The following CAMK2B variants were observed in gnomAD, a reference collection of about 807,000 sequenced individuals.
The protein encoded by CAMK2B is calcium/calmodulin-dependent protein kinase type II subunit beta.
In CAMK2B, 27 loss-of-function variants were observed where a neutral mutation model predicts 93.7. The observed-to-expected ratio is 0.29, with a 90% CI of 0.21 to 0.40. The LOEUF (loss-of-function observed/expected upper bound fraction) is 0.40. Among genes scored for constraint, CAMK2B ranks in the 10% least tolerant of loss-of-function variants. The pLI is 1.00. For missense variants in CAMK2B, 568 were observed against 895.8 expected (o/e 0.63, Z 4.67); for synonymous variants, 374 against 358.8 (o/e 1.04, Z -0.48).
Position 44,225,858 on chromosome 7 carries a change from G to T in CAMK2B, c.1597+658C>A, listed in dbSNP as rs2096469485. ...CCCAGTCTGGTGTCTCCCCACAGGT[G>T]GGGGTGGCAGCAGCCCTGGGATGTC... On this transcript the variant is annotated intron_variant, in intron 20 of 23. Coordinates refer to ENST00000395749, the MANE Select transcript of CAMK2B (RefSeq NM_001220.5). The surrounding 1 kb of genome is among the most constrained non-coding windows in gnomAD (Gnocchi z 5.0). The T allele has an allele frequency of 7.8e-7, 1 of 1,289,268 alleles. No individual in the cohort carries two copies. Among genetic ancestry groups the T allele is most frequent in the African/African-American group, 1.5e-5 (1 of 65,856 alleles). 79.9% of individuals were successfully genotyped at this position (1,289,268 alleles called of 1,614,324 possible).
intron 9 of CAMK2B, 70 bp downstream of exon 9, chr7:44,242,489 CT>C: frequency 6.6e-7 from 1 of 1,509,340 alleles, no homozygotes; most frequent in Non-Finnish European, 9.1e-7. Flanking sequence ...CTCCTAGCCT[CT>C]TCCCACGCTG....
At chr7:44,223,487 C>A (rs1349872921) in intron 20 of CAMK2B, among the ~76,000 whole-genome samples, 1 of 152,212 alleles carries the variant, frequency 6.6e-6, no homozygotes, top group Non-Finnish European at 1.5e-5. Context: ...CCCCATTCCA[C>A]CTGCCCAGCT....
In CAMK2B at chr7:44,225,914, TC is replaced by T; in HGVS notation, c.1597+601del. On this transcript the variant is annotated intron_variant, in intron 20 of 23. Transcript: ENST00000395749. The surrounding 1 kb of genome is among the most constrained non-coding windows in gnomAD (Gnocchi z 5.0). ...TCCCTGTAAGTGATACTGCGGGTAG[TC>T]GGCAGACAGACCGGGAGGTGGCCCA... The T allele has an allele frequency of 7.8e-7, 1 of 1,283,552 alleles. No individual in the cohort carries two copies. The highest frequency in any genetic ancestry group is 1.0e-6 in the Non-Finnish European group (1 of 984,572). 79.5% of individuals were successfully genotyped at this position (1,283,552 alleles called of 1,614,324 possible). A position where few individuals can be genotyped will look rare whatever the true frequency, so the allele number is the denominator to read the frequency against.
At chr7:44,305,735 G>A (rs1791297512) in intron 1 of CAMK2B, among the ~76,000 whole-genome samples, 1 of 152,220 alleles carries the variant, frequency 6.6e-6, no homozygotes, top group African/African-American at 2.4e-5. Flanking sequence ...GGGGCGAGAG[G>A]CCTTGGGTGC....
intron 19 of CAMK2B, 63 bp downstream of exon 19, chr7:44,228,733 C>T (rs549820182): frequency 1.9e-5 from 26 of 1,395,692 alleles, no homozygotes; most frequent in South Asian, 8.0e-5. Flanking sequence ...AGCTGCTGAG[C>T]GCCGGCCATT....
intron 2 of CAMK2B, among the ~76,000 whole-genome samples, chr7:44,263,534 C>T (rs2096898547): frequency 6.6e-6 from 1 of 152,090 alleles, no homozygotes; most frequent in African/African-American, 2.4e-5. Context: ...AGAGGCCTCG[C>T]CTGGGAGATA....
At chr7:44,247,052 C>T in intron 6 of CAMK2B, 68 bp downstream of exon 6, 1 of 1,325,598 alleles carries the variant, frequency 7.5e-7, no homozygotes, top group Non-Finnish European at 1.1e-6. Flanking sequence ...CAGCCCCTCA[C>T]ACTTCCTTGT....
Position 44,220,845 on chromosome 7 carries a change from C to T in CAMK2B, c.1654G>A (p.Gly552Ser), listed in dbSNP as rs774886422. The T allele has an allele frequency of 1.9e-6, 3 of 1,571,048 alleles. No homozygotes were observed. Among genetic ancestry groups the T allele is most frequent in the Non-Finnish European group, 2.6e-6 (3 of 1,157,224 alleles). The stretch of plus-strand genomic sequence containing the variant: ...ACTCACGCGTAGGCCTCAAAGTCAC[C>T]GTTGTTGACGGCCTCGATGAGCTGC... ...TEQLIEAVNN[G>S]DFEAYAKICD... The change falls in exon 21 of 24, where the codon GGT (glycine) becomes AGT (serine). Residue 552 changes from glycine (G) to serine (S), a missense_variant. By Grantham distance (56) the Gly-to-Ser change is moderately conservative. Coordinates refer to ENST00000395749, the MANE Select transcript of CAMK2B (RefSeq NM_001220.5).
intron 4 of CAMK2B, among the ~76,000 whole-genome samples, chr7:44,255,100 G>A (rs1727193913): frequency 6.6e-6 from 1 of 152,016 alleles, no homozygotes. Flanking sequence ...CAGAGTGGTG[G>A]CCCTCGCACA....
chr7:44,258,958 C>CAAT, intron 3 of CAMK2B, 32 bp from the exon 4 acceptor site: 1 of 1,599,808 alleles, frequency 6.3e-7, no homozygotes, highest in South Asian at 1.1e-5. Flanking sequence ...GAGGGGCTGG[C>CAAT]AATAGCCCAG....
intron 3 of CAMK2B, among the ~76,000 whole-genome samples, chr7:44,260,848 C>T (rs1268506639): frequency 6.6e-6 from 1 of 152,168 alleles, no homozygotes; most frequent in Non-Finnish European, 1.5e-5. Flanking sequence ...CTGCCCCCAC[C>T]AAGCCCCATT....
In CAMK2B at chr7:44,297,619, C is replaced by T. The variant is rs148619049; in HGVS notation, c.66-13394G>A. Among the ~76,000 whole-genome samples, 346 of 151,948 alleles carry T rather than the reference C, an allele frequency of 2.3e-3. 1 individual carries two copies. Among genetic ancestry groups the T allele is most frequent in the African/African-American group, 7.9e-3 (327 of 41,432 alleles). On this transcript the variant is annotated intron_variant, in intron 1 of 23. Coordinates refer to ENST00000395749, the MANE Select transcript of CAMK2B (RefSeq NM_001220.5). The stretch of plus-strand genomic sequence containing the variant: ...CAAGAAACCTATTTAAACATGAAGA[C>T]ACAAATAAGTGAAGAGTAAAGGCAT...
chr7:44,221,683 C>T (rs56958012), intron 20 of CAMK2B, among the ~76,000 whole-genome samples: 8,163 of 152,296 alleles, frequency 0.054, 284 homozygotes, highest in East Asian at 0.086. Flanking sequence ...CCCCCATGCC[C>T]GGGCTACTCC....
At chr7:44,274,866 G>A (rs539024281) in intron 2 of CAMK2B, among the ~76,000 whole-genome samples, 2 of 151,896 alleles carry the variant, frequency 1.3e-5, no homozygotes, top group Admixed American at 6.5e-5. Context: ...TCCTGGAACC[G>A]GCAGAGCCTG....
intron 17 of CAMK2B, chr7:44,230,235 TCAGGGACAGTGTCATAG>T (rs1400168767): frequency 6.6e-6 from 1 of 152,326 alleles, no homozygotes; most frequent in Non-Finnish European, 1.5e-5. Flanking sequence ...TCATCTCTGC[TCAGGGACAGTGTCATAG>T]CTGGGTAGGC....
At chr7:44,223,474 C>T (rs192573063) in intron 20 of CAMK2B, among the ~76,000 whole-genome samples, 4 of 152,314 alleles carry the variant, frequency 2.6e-5, no homozygotes, top group East Asian at 1.9e-4. Flanking sequence ...AGTCCCATTC[C>T]TGCCCCATTC....
intron 1 of CAMK2B, among the ~76,000 whole-genome samples, chr7:44,323,210 A>G (rs1179999436): frequency 6.6e-6 from 1 of 152,200 alleles, no homozygotes; most frequent in African/African-American, 2.4e-5. Context: ...GGGCTCCACA[A>G]AGGTGCACTA....
At position 44,225,133 on chromosome 7, in the gene CAMK2B, C is replaced by A. The variant is rs2096459701; in HGVS notation, c.1597+1383G>T. ...ACCGAGCCCCGAGCTGGCCACTCCA[C>A]ACCCACCCTGGGCCCTGTCCTCAGA... is the stretch of plus-strand genomic sequence containing the variant. On this transcript the variant is annotated intron_variant, in intron 20 of 23. Transcript: ENST00000395749. The surrounding 1 kb of genome is among the most constrained non-coding windows in gnomAD (Gnocchi z 5.0). Among the ~76,000 whole-genome samples, 1 of 152,164 alleles carries A rather than the reference C, an allele frequency of 6.6e-6. No individual in the cohort carries two copies. The highest frequency in any genetic ancestry group is 1.5e-5 in the Non-Finnish European group (1 of 68,014).
chr7:44,265,178 C>T (rs1307292499), intron 2 of CAMK2B, among the ~76,000 whole-genome samples: 1 of 152,258 alleles, frequency 6.6e-6, no homozygotes. Flanking sequence ...CCCTGCCCCG[C>T]CCCTGCTTCC....
Sources: allele counts gnomAD v4.1 joint callset (sites outside exome capture counted in the v4.1 genomes callset), GRCh38; gene constraint gnomAD v4.1.1; non-coding constraint Gnocchi (gnomAD v3.1); transcripts MANE v1.5; gene names NCBI Gene and HGNC (gene_info 2026-07-23, HGNC 2026-07-21).